The following USH2A variants were observed in gnomAD, a reference collection of about 807,000 sequenced individuals.
The protein encoded by USH2A is usherin.
Under a neutral mutation model 538.9 loss-of-function variants are expected in USH2A, and 443 were observed. That is an observed-to-expected ratio of 0.82 (90% confidence interval 0.76 to 0.89). USH2A has a LOEUF of 0.89. Ranked by LOEUF, USH2A falls within the 40% of genes least tolerant of loss-of-function variation. The probability of loss-of-function intolerance (pLI) is 0.00; values close to 1 mark genes in which losing one functional copy is unlikely to be tolerated. For missense variants in USH2A, 6,633 were observed against 6,324.8 expected (o/e 1.05, Z -1.65); for synonymous variants, 2,413 against 2,273.5 (o/e 1.06, Z -1.75).
intron 67 of USH2A, 146 bp downstream of exon 67, chr1:215,647,376 T>A: frequency 9.8e-7 from 1 of 1,018,582 alleles, no homozygotes; most frequent in Non-Finnish European, 1.5e-6. Flanking sequence ...TCCTCAGTAG[T>A]CATCCTCATC....
intron 32 of USH2A, among the ~76,000 whole-genome samples, chr1:216,011,634 G>A (rs1293781565): frequency 6.6e-6 from 1 of 152,066 alleles, no homozygotes; most frequent in African/African-American, 2.4e-5. Flanking sequence ...TAGCCATCAT[G>A]TCTCCGTGCA....
chr1:215,795,686 A>G (rs920154833), intron 50 of USH2A, among the ~76,000 whole-genome samples: 1 of 152,176 alleles, frequency 6.6e-6, no homozygotes, highest in Non-Finnish European at 1.5e-5. Flanking sequence ...TCTATCTTTA[A>G]TAGACCTGTT....
In USH2A at chr1:216,398,441, A is replaced by G. The variant is rs536790621; in HGVS notation, c.651+20073T>C. On this transcript the variant is annotated intron_variant, in intron 3 of 71. Coordinates refer to ENST00000307340, the MANE Select transcript of USH2A (RefSeq NM_206933.4). ...CAAGGAAAGGCTTATTTTCCTAGAC[A>G]GAAGATCAGGAAAATGTTGGCCTAC... Among the ~76,000 whole-genome samples, 261 of 152,300 alleles carry G rather than the reference A, an allele frequency of 1.7e-3. 2 individuals carry two copies. Among genetic ancestry groups the G allele is most frequent in the African/African-American group, 6.0e-3 (249 of 41,578 alleles).
intron 32 of USH2A, among the ~76,000 whole-genome samples, chr1:216,045,482 A>G (rs1005611201): frequency 6.6e-6 from 1 of 152,154 alleles, no homozygotes; most frequent in Non-Finnish European, 1.5e-5. Context: ...GAGTCTTAAG[A>G]CTATTACACA....
At chr1:216,416,647 A>C (rs2039581650) in intron 3 of USH2A, among the ~76,000 whole-genome samples, 1 of 152,156 alleles carries the variant, frequency 6.6e-6, no homozygotes, top group Non-Finnish European at 1.5e-5. Flanking sequence ...TATTGAAATG[A>C]TAATGCTGAT....
intron 32 of USH2A, among the ~76,000 whole-genome samples, chr1:216,040,274 T>A (rs77364404): frequency 3.3e-5 from 5 of 152,082 alleles, no homozygotes; most frequent in African/African-American, 9.6e-5. Context: ...ACACGTGTTA[T>A]GGCTTGGTGT....
intron 21 of USH2A, among the ~76,000 whole-genome samples, chr1:216,146,565 A>C (rs1347661121): frequency 6.6e-6 from 1 of 152,010 alleles, no homozygotes; most frequent in Non-Finnish European, 1.5e-5. Context: ...CTTCACCCTT[A>C]GCGGCAAGTC....
At chr1:216,262,986 A>T (rs2036403576) in intron 11 of USH2A, among the ~76,000 whole-genome samples, 1 of 152,182 alleles carries the variant, frequency 6.6e-6, no homozygotes, top group South Asian at 2.1e-4. Flanking sequence ...ATCATTGGAG[A>T]CTATTATGAA....
rs142634193 is a variant in USH2A at position 216,288,399 on chromosome 1, G to T, written c.1971+881C>A. On this transcript the variant is annotated intron_variant, in intron 11 of 71. Transcript: ENST00000307340. Reference sequence around the variant, plus strand: ...CTGAAGGTCTTTGAATCCATATTTTGTCTTGGTTTATATTTGTCTTTTATT... The same window carrying T: ...CTGAAGGTCTTTGAATCCATATTTTTTCTTGGTTTATATTTGTCTTTTATT... Among the ~76,000 whole-genome samples, 615 of 152,056 alleles carry T rather than the reference G, an allele frequency of 4.0e-3. 2 individuals carry two copies. The highest frequency in any genetic ancestry group is 0.014 in the African/African-American group (586 of 41,512).
At chr1:215,964,434 T>A (rs951405732) in intron 37 of USH2A, among the ~76,000 whole-genome samples, 6 of 152,208 alleles carry the variant, frequency 3.9e-5, no homozygotes, top group Non-Finnish European at 7.3e-5. Context: ...CCTGTTTTTT[T>A]CTTTCTTCAC....
At chr1:216,043,887 C>T (rs995681705) in intron 32 of USH2A, among the ~76,000 whole-genome samples, 9 of 152,060 alleles carry the variant, frequency 5.9e-5, no homozygotes, top group Non-Finnish European at 5.9e-5. Context: ...CTTAGTTTCT[C>T]TTCCCCTGGC....
At chr1:216,137,542 G>A (rs564535326) in intron 21 of USH2A, among the ~76,000 whole-genome samples, 1 of 152,248 alleles carries the variant, frequency 6.6e-6, no homozygotes, top group East Asian at 1.9e-4. Context: ...GAGGAGCAAG[G>A]AGAGCCAGTC....
chr1:216,383,027 A>G (rs913693701), intron 3 of USH2A, among the ~76,000 whole-genome samples: 2 of 152,168 alleles, frequency 1.3e-5, no homozygotes, highest in South Asian at 2.1e-4. Flanking sequence ...AACAAAGATT[A>G]ATTAACACCA....
chr1:216,391,840 T>C (rs1041627683), intron 3 of USH2A, among the ~76,000 whole-genome samples: 1 of 152,252 alleles, frequency 6.6e-6, no homozygotes, highest in Admixed American at 6.5e-5. Context: ...CAGGTCTTAA[T>C]CCTATATTGA....
At chr1:216,040,897 C>T (rs1002852927) in intron 32 of USH2A, among the ~76,000 whole-genome samples, 1 of 151,764 alleles carries the variant, frequency 6.6e-6, no homozygotes, top group Admixed American at 6.6e-5. Context: ...AATGGCACCA[C>T]CAGAATACCA....
intron 32 of USH2A, among the ~76,000 whole-genome samples, chr1:216,035,444 T>C (rs2029886217): frequency 1.3e-5 from 2 of 152,118 alleles, no homozygotes; most frequent in South Asian, 4.1e-4. Flanking sequence ...ATGAAACAGA[T>C]TCCTCCTCAT....
chr1:216,284,526 C>T (rs1256261259), intron 11 of USH2A, among the ~76,000 whole-genome samples: 3 of 152,146 alleles, frequency 2.0e-5, no homozygotes, highest in African/African-American at 4.8e-5. Context: ...TATAAATTAC[C>T]CAGTCTCAGG....
chr1:215,636,607 G>C (rs1656501573), intron 69 of USH2A, among the ~76,000 whole-genome samples: 1 of 152,160 alleles, frequency 6.6e-6, no homozygotes, highest in African/African-American at 2.4e-5. Context: ...AAACTGATCT[G>C]ATGGGCCCAG....
chr1:216,139,866 G>A (rs448588), intron 21 of USH2A, among the ~76,000 whole-genome samples: 129,707 of 152,156 alleles, frequency 0.85, 55,398 homozygotes, highest in East Asian at 0.98. Flanking sequence ...CTCCATCTCA[G>A]TTCTGACTTG....
Sources: allele counts gnomAD v4.1 joint callset (sites outside exome capture counted in the v4.1 genomes callset), GRCh38; gene constraint gnomAD v4.1.1; transcripts MANE v1.5; gene names NCBI Gene and HGNC (gene_info 2026-07-23, HGNC 2026-07-21).